The following UNC93B1 variants were observed in gnomAD, a reference collection of about 807,000 sequenced individuals.
The protein encoded by UNC93B1 is unc-93B1 regulator of TLR signaling, also known as protein unc-93 homolog B1.
UNC93B1 carries 33 observed loss-of-function variants against 56.8 expected under a neutral mutation model. The observed-to-expected ratio is 0.58, with a 90% CI of 0.44 to 0.78. The LOEUF (loss-of-function observed/expected upper bound fraction) is 0.78, where lower values mean the gene tolerates loss of function less well. Ranked by LOEUF, UNC93B1 falls within the 30% of genes least tolerant of loss-of-function variation. The pLI is 0.00. For missense variants in UNC93B1, 673 were observed against 819.5 expected, an observed-to-expected ratio of 0.82 and a Z score of 2.18; for synonymous variants, 334 against 358.6, an observed-to-expected ratio of 0.93 and a Z score of 0.77.
chr11:67,992,528 A>G (rs1311614125), intron 10 of UNC93B1, among the ~76,000 whole-genome samples: 2 of 152,158 alleles, frequency 1.3e-5, no homozygotes, highest in African/African-American at 4.8e-5. Context: ...TTGTAGAGAC[A>G]GGGTCTCCTA....
At chr11:68,002,605 A>T (rs139192871) in intron 3 of UNC93B1, among the ~76,000 whole-genome samples, 18 of 152,176 alleles carry the variant, frequency 1.2e-4, no homozygotes, top group African/African-American at 3.9e-4. Flanking sequence ...TGTCTGTGAG[A>T]AACACCCCCT....
rs1590758765 is a variant in UNC93B1, at chr11:67,993,864, T to C, written c.1364-70A>G. 7 of 1,063,264 alleles carry C rather than the reference T, an allele frequency of 6.6e-6. No individual in the cohort carries two copies. In the East Asian group the frequency reaches 1.8e-4, roughly 27 times the overall value. 65.9% of individuals were successfully genotyped at this position (1,063,264 alleles called of 1,614,324 possible). On this transcript the variant is annotated intron_variant, in intron 9 of 10. Coordinates refer to ENST00000227471, the MANE Select transcript of UNC93B1 (RefSeq NM_030930.4). ...GGGGCCTGGGGCTACCGAGCTACCA[T>C]CTACGAACTTTACTAAGCCCTGTAT...
rs1362872824 is a variant in UNC93B1, at chr11:67,998,436, G to A, written c.704C>T (p.Ala235Val). 2 of 1,613,972 alleles carry A rather than the reference G, an allele frequency of 1.2e-6. No homozygotes were observed. Among genetic ancestry groups the A allele is most frequent in the South Asian group, 1.1e-5 (1 of 91,086 alleles). The change falls in exon 6 of 11, where the codon GCC becomes GTC. Residue 235 changes from alanine to valine, a missense_variant. Coordinates refer to ENST00000227471, the MANE Select transcript of UNC93B1 (RefSeq NM_030930.4). ...YSFFHLSFAC[A>V]QLPMIYFLNH... ...CAGGAAATAAATCATGGGCAGCTGG[G>A]CGCAGGCGAAGCTCAGCTGCAGAAA...
chr11:68,004,007 C>T lies in UNC93B1; in HGVS notation c.37G>A (p.Ala13Thr), dbSNP rs898798404. The change falls in exon 1 of 11, where the codon GCT becomes ACT. Residue 13 changes from alanine to threonine, a missense_variant. This residue lies in a region of UNC93B1 where 438 missense variants were observed against 465.9 expected (regional missense o/e 0.94). Transcript: ENST00000227471. Reference protein sequence around the residue: ...AEPPLYPMAGAAGPQGDEDLL... With the variant: ...AEPPLYPMAGTAGPQGDEDLL... ...TCCTCGTCGCCCTGCGGCCCCGCAG[C>T]CCCCGCCATCGGGTAGAGCGGCGGC... 5.0e-6 allele frequency: 7 copies of T among 1,402,480 alleles called. No homozygotes were observed. In the African/African-American group the frequency reaches 9.0e-5, roughly 18 times the overall value. The allele number at this position is 1,402,480 out of a possible 1,614,324, so 86.9% of individuals were successfully genotyped here.
In UNC93B1 at chr11:68,003,809, C is replaced by T. The variant is rs1362269387; in HGVS notation, c.97-11G>A. On this transcript the variant is annotated splice_polypyrimidine_tract_variant and intron_variant, in intron 1 of 10. Transcript: ENST00000227471. This position sits in a 1 kb window ranked among gnomAD's most constrained non-coding sequence, Gnocchi z 4.4. ...CACCAGCTCGTCCAGCTGCGAGCCA[C>T]GCACGCCGCTCGCACCCGCGATCGC... 6.8e-6 allele frequency: 10 copies of T among 1,467,938 alleles called. No individual in the cohort carries two copies. The highest frequency in any genetic ancestry group is 4.2e-4 in the Middle Eastern group (2 of 4,712). 90.9% of individuals were successfully genotyped at this position (1,467,938 alleles called of 1,614,324 possible). A position where few individuals can be genotyped will look rare whatever the true frequency, so the allele number is the denominator to read the frequency against.
At chr11:68,002,321 G>T (rs771981096) in intron 3 of UNC93B1, among the ~76,000 whole-genome samples, 1 of 152,116 alleles carries the variant, frequency 6.6e-6, no homozygotes, top group Non-Finnish European at 1.5e-5. Context: ...GGGCTTAGAT[G>T]GGGTTTCTTT....
intron 3 of UNC93B1, among the ~76,000 whole-genome samples, chr11:68,002,185 TACACACACACAC>T (rs60629377): frequency 1.6e-4 from 22 of 140,780 alleles, no homozygotes; most frequent in African/African-American, 4.3e-4. Flanking sequence ...CCCGCTTGCA[TACACACACACAC>T]ACACACACAC....
intron 4 of UNC93B1, 30 bp downstream of exon 4, chr11:67,999,489 G>A: frequency 1.3e-6 from 2 of 1,544,020 alleles, no homozygotes; most frequent in Non-Finnish European, 1.8e-6. Flanking sequence ...CAGGTCTCCA[G>A]CCTCCTGCCC....
rs1459551120 is a variant in UNC93B1 at position 68,003,855 on chromosome 11, G to A, written c.97-57C>T. 3.0e-6 allele frequency: 4 copies of A among 1,338,928 alleles called. No homozygotes were observed. Among genetic ancestry groups the A allele is most frequent in the Admixed American group, 3.3e-5 (1 of 30,190 alleles). 82.9% of individuals were successfully genotyped at this position (1,338,928 alleles called of 1,614,324 possible). A position where few individuals can be genotyped will look rare whatever the true frequency, so the allele number is the denominator to read the frequency against. ...ATCGCGCCCCGAACCCGTGTCCCCC[G>A]GTGCCCGCCGCCCCCCGGCCCGCCC... On this transcript the variant is annotated intron_variant, in intron 1 of 10. Transcript: ENST00000227471. The surrounding 1 kb of genome is among the most constrained non-coding windows in gnomAD (Gnocchi z 4.4).
intron 9 of UNC93B1, among the ~76,000 whole-genome samples, chr11:67,994,567 G>T (rs940833713): frequency 6.6e-6 from 1 of 152,132 alleles, no homozygotes; most frequent in African/African-American, 2.4e-5. Flanking sequence ...GACCCCCCGG[G>T]GTTCACCGGA....
chr11:67,999,717 T>G, intron 3 of UNC93B1, 37 bp from the exon 4 acceptor site: 1 of 1,599,104 alleles, frequency 6.3e-7, no homozygotes, highest in African/African-American at 1.3e-5. Flanking sequence ...ACCACAGGCC[T>G]GCTGGACCAC....
chr11:67,997,656 C>A lies in UNC93B1; in HGVS notation c.906+19G>T. Reference sequence around the variant, plus strand: ...ACACTCTGCTTCACTGACTGTCCTGCCCCCATCCCGGGCCGCACCAGCAGC... The same window carrying A: ...ACACTCTGCTTCACTGACTGTCCTGACCCCATCCCGGGCCGCACCAGCAGC... On this transcript the variant is annotated intron_variant, in intron 7 of 10. Coordinates refer to ENST00000227471, the MANE Select transcript of UNC93B1 (RefSeq NM_030930.4). 6.2e-7 allele frequency: 1 copy of A among 1,600,034 alleles called. No individual in the cohort carries two copies. Among genetic ancestry groups the A allele is most frequent in the Non-Finnish European group, 8.5e-7 (1 of 1,179,768 alleles).
At chr11:67,992,513 A>AT (rs1856861296) in intron 10 of UNC93B1, among the ~76,000 whole-genome samples, 1 of 151,952 alleles carries the variant, frequency 6.6e-6, no homozygotes, top group Non-Finnish European at 1.5e-5. Context: ...TATTTTTTAA[A>AT]TTTTTTGTAG....
chr11:67,997,903 C>A (rs559924530), intron 6 of UNC93B1, 104 bp from the exon 7 acceptor site: 4 of 1,500,568 alleles, frequency 2.7e-6, no homozygotes, highest in African/African-American at 2.8e-5. Context: ...CGGTGGAGGG[C>A]GGGAGAGTGA....
rs765781435 is a variant in UNC93B1, at chr11:67,996,797, T to G, written c.907-13A>C. On this transcript the variant is annotated splice_polypyrimidine_tract_variant and intron_variant, in intron 7 of 10. Transcript: ENST00000227471. ...ACAAACCCAGCACCTGCGAACCCAT[T>G]ACTTGAAGGGGCGGCCAGCCAGGCC... 1.3e-6 allele frequency: 2 copies of G among 1,529,260 alleles called. No individual in the cohort carries two copies. The highest frequency in any genetic ancestry group is 1.8e-6 in the Non-Finnish European group (2 of 1,131,616). 94.7% of individuals were successfully genotyped at this position (1,529,260 alleles called of 1,614,324 possible). A position where few individuals can be genotyped will look rare whatever the true frequency, so the allele number is the denominator to read the frequency against.
intron 8 of UNC93B1, 115 bp downstream of exon 8, chr11:67,996,487 G>T: frequency 1.5e-6 from 2 of 1,328,294 alleles, no homozygotes; most frequent in Non-Finnish European, 2.0e-6. Flanking sequence ...GGATATTTGG[G>T]ATATACATGT....
chr11:68,003,648 G>C lies in UNC93B1; in HGVS notation c.238+9C>G, dbSNP rs1054185641. 9.2e-6 allele frequency: 14 copies of C among 1,515,986 alleles called. No individual in the cohort carries two copies. The highest frequency in any genetic ancestry group is 4.0e-5 in the Admixed American group (2 of 49,458). 93.9% of individuals were successfully genotyped at this position (1,515,986 alleles called of 1,614,324 possible). A position where few individuals can be genotyped will look rare whatever the true frequency, so the allele number is the denominator to read the frequency against. ...GCGGGGCGGCCCCGGGTCCCCGAGC[G>C]GCACCTACCCAGGTAGACGCCGTAG... On this transcript the variant is annotated intron_variant, in intron 2 of 10. Coordinates refer to ENST00000227471, the MANE Select transcript of UNC93B1 (RefSeq NM_030930.4). This position sits in a 1 kb window ranked among gnomAD's most constrained non-coding sequence, Gnocchi z 4.4.
In UNC93B1 at chr11:67,995,791, G is replaced by A. The variant is rs776764518; in HGVS notation, c.1183C>T (p.Leu395=). Residue 395 remains leucine (L), a synonymous_variant, in exon 9 of 11, where the codon CTG becomes TTG. Transcript: ENST00000227471. ...ACCGGGCGTGGCAGCCACAGGCCCA[G>A]CAGGCCCAGGAGTGAGGCGGCTGAG... ...GASAASLLGL[L]GLWLPRPVPL... 212 of 1,547,822 alleles carry A rather than the reference G, an allele frequency of 1.4e-4. 1 individual carries two copies. Among genetic ancestry groups the A allele is most frequent in the Non-Finnish European group, 4.1e-5 (47 of 1,146,718 alleles).
At chr11:68,001,416 A>C (rs1565126755) in intron 3 of UNC93B1, among the ~76,000 whole-genome samples, 5 of 152,154 alleles carry the variant, frequency 3.3e-5, no homozygotes, top group Admixed American at 2.6e-4. Flanking sequence ...CTGTAATCCC[A>C]ACACTTTGTG....
Sources: gnomAD v4.1 joint callset for allele counts (sites outside exome capture counted in the v4.1 genomes callset) on GRCh38, gnomAD v4.1.1 for gene constraint, gnomAD v4.1.1 regional missense constraint, Gnocchi (gnomAD v3.1) non-coding constraint, MANE v1.5 for transcripts, NCBI Gene and HGNC (gene_info 2026-07-23, HGNC 2026-07-21) for gene names.